RAD51B: variants seen among roughly 807,000 people sequenced by gnomAD.
RAD51B encodes DNA repair protein RAD51 homolog 2.
RAD51B carries 38 observed loss-of-function variants against 42.2 expected under a neutral mutation model. The ratio of observed to expected loss-of-function variants is 0.90; its 90% CI spans 0.70 to 1.18. The LOEUF is 1.18. RAD51B is among the 50% of genes most tolerant of loss of function. The pLI, the probability that RAD51B is intolerant of heterozygous loss-of-function variation, is 0.00. For synonymous variants in RAD51B, 154 were observed against 145.2 expected, an observed-to-expected ratio of 1.06 and a Z score of -0.43; for missense variants, 373 against 400.7, an observed-to-expected ratio of 0.93 and a Z score of 0.59.
chr14:68,169,932 A>T (rs2078834830), intron 7 of RAD51B, among the ~76,000 whole-genome samples: 1 of 152,172 alleles, frequency 6.6e-6, no homozygotes. Flanking sequence ...TGTGTATGTG[A>T]TCACAAAAAA....
intron 8 of RAD51B, among the ~76,000 whole-genome samples, chr14:68,392,807 C>T (rs2083797064): frequency 1.3e-5 from 2 of 152,234 alleles, no homozygotes; most frequent in South Asian, 2.1e-4. Context: ...CCCATTTCGA[C>T]TCATGCCCTT....
intron 3 of RAD51B, among the ~76,000 whole-genome samples, chr14:67,827,912 C>T (rs574077206): frequency 9.9e-5 from 15 of 152,236 alleles, no homozygotes; most frequent in African/African-American, 3.6e-4. Flanking sequence ...GGGTTGATTT[C>T]ATGTCTTTGC....
intron 10 of RAD51B, among the ~76,000 whole-genome samples, chr14:68,490,650 A>G (rs1454180053): frequency 6.6e-6 from 1 of 152,238 alleles, no homozygotes; most frequent in African/African-American, 2.4e-5. Context: ...CAGACTCCAC[A>G]TTAATTTAAG....
intron 7 of RAD51B, among the ~76,000 whole-genome samples, chr14:68,087,753 TTAAA>T (rs1245385886): frequency 7.4e-5 from 11 of 149,248 alleles, no homozygotes; most frequent in Admixed American, 2.7e-4. Context: ...ATTGTTGATA[TTAAA>T]TAAATAAGAA....
chr14:68,578,154 G>T (rs1432796243), intron 10 of RAD51B, among the ~76,000 whole-genome samples: 1 of 152,220 alleles, frequency 6.6e-6, no homozygotes, highest in Non-Finnish European at 1.5e-5. Context: ...GGCTGGGCGC[G>T]GTGGCTCATG....
chr14:68,455,456 A>T (rs1456492446), intron 9 of RAD51B, among the ~76,000 whole-genome samples: 2 of 152,038 alleles, frequency 1.3e-5, no homozygotes, highest in African/African-American at 4.8e-5. Flanking sequence ...GGTGGCTCAC[A>T]CCTGTAATCC....
At chr14:68,204,132 G>A (rs547544130) in intron 7 of RAD51B, among the ~76,000 whole-genome samples, 10 of 152,292 alleles carry the variant, frequency 6.6e-5, no homozygotes, top group Non-Finnish European at 1.5e-5. Context: ...CTAGCTTCCT[G>A]CCTGATTCAG....
intron 7 of RAD51B, among the ~76,000 whole-genome samples, chr14:68,184,729 T>G (rs1391137164): frequency 2.0e-5 from 3 of 152,146 alleles, no homozygotes; most frequent in Non-Finnish European, 4.4e-5. Context: ...TGCAGGTGCT[T>G]CTCTCCAAAG....
chr14:68,594,136 C>A (rs1382132634), intron 10 of RAD51B, among the ~76,000 whole-genome samples: 1 of 152,012 alleles, frequency 6.6e-6, no homozygotes, highest in Non-Finnish European at 1.5e-5. Context: ...TGCTCCCCAC[C>A]CCCACACGCC....
rs753393344 is a variant in RAD51B, at chr14:67,865,142, A to G, written c.452+3A>G. On this transcript the variant is annotated splice_donor_region_variant and intron_variant, in intron 5 of 10. Transcript: ENST00000471583. ...GAGTCTGCATTTAGTGCTGAAAGGT[A>G]TGAGATTTTATTTTCTATTATAATG... 5.2e-5 allele frequency: 83 copies of G among 1,586,778 alleles called. No homozygotes were observed. The highest frequency in any genetic ancestry group is 1.8e-4 in the East Asian group (8 of 44,274).
intron 7 of RAD51B, among the ~76,000 whole-genome samples, chr14:68,105,215 A>G (rs1219831988): frequency 6.6e-6 from 1 of 151,882 alleles, no homozygotes; most frequent in Non-Finnish European, 1.5e-5. Context: ...GGAGCTTCTC[A>G]GTGGTTAGGA....
chr14:68,502,961 C>T (rs1180547501), intron 10 of RAD51B, among the ~76,000 whole-genome samples: 1 of 152,206 alleles, frequency 6.6e-6, no homozygotes, highest in Non-Finnish European at 1.5e-5. Flanking sequence ...GCGAGGGCAT[C>T]TTGGAAGGCT....
chr14:67,974,819 A>G (rs2074960763), intron 7 of RAD51B, among the ~76,000 whole-genome samples: 1 of 152,152 alleles, frequency 6.6e-6, no homozygotes, highest in Non-Finnish European at 1.5e-5. Context: ...ATTTTCTTGT[A>G]TATCTCTTAT....
chr14:68,249,723 C>T (rs2080579115), intron 7 of RAD51B, among the ~76,000 whole-genome samples: 2 of 152,178 alleles, frequency 1.3e-5, no homozygotes, highest in African/African-American at 4.8e-5. Context: ...GCACACACAG[C>T]CCTGGTGACA....
intron 7 of RAD51B, among the ~76,000 whole-genome samples, chr14:68,166,934 C>A (rs1273399189): frequency 3.3e-5 from 5 of 152,152 alleles, no homozygotes; most frequent in Non-Finnish European, 7.4e-5. Flanking sequence ...ATACTTTATG[C>A]CCCTTATCTC....
At chr14:68,189,355 G>A (rs2079218334) in intron 7 of RAD51B, among the ~76,000 whole-genome samples, 1 of 151,918 alleles carries the variant, frequency 6.6e-6, no homozygotes, top group Non-Finnish European at 1.5e-5. Context: ...ATTTCTTTAT[G>A]GAAAGGGGAC....
chr14:68,411,617 A>G (rs377342442), intron 9 of RAD51B, 90 bp downstream of exon 9: 4 of 1,236,534 alleles, frequency 3.2e-6, no homozygotes, highest in East Asian at 2.5e-5. Flanking sequence ...TGCTGGCCGC[A>G]TTGTCTGTCC....
chr14:67,984,217 G>A (rs563734731), intron 7 of RAD51B, among the ~76,000 whole-genome samples: 40 of 152,258 alleles, frequency 2.6e-4, no homozygotes, highest in Middle Eastern at 3.4e-3. Flanking sequence ...GATTACAGGT[G>A]TGAGCCACCA....
intron 9 of RAD51B, among the ~76,000 whole-genome samples, chr14:68,422,502 GTGAGCC>G (rs2084730318): frequency 6.8e-6 from 1 of 147,012 alleles, no homozygotes. Context: ...GGAAGTTGCA[GTGAGCC>G]AAGATCGCAC....
Sources: gnomAD v4.1 joint callset for allele counts (sites outside exome capture counted in the v4.1 genomes callset) on GRCh38, gnomAD v4.1.1 for gene constraint, MANE v1.5 for transcripts, NCBI Gene and HGNC (gene_info 2026-07-23, HGNC 2026-07-21) for gene names.